CAP2: variants seen among roughly 807,000 people sequenced by gnomAD.
CAP2 encodes the protein cyclase associated actin cytoskeleton regulatory protein 2.
Under a neutral mutation model 57.7 loss-of-function variants are expected in CAP2, and 24 were observed. The ratio of observed to expected loss-of-function variants is 0.42; its 90% CI spans 0.30 to 0.58. The LOEUF (loss-of-function observed/expected upper bound fraction) is 0.58. Among genes scored for constraint, CAP2 ranks in the 20% least tolerant of loss-of-function variants. The probability of loss-of-function intolerance (pLI) is 0.22; values close to 1 mark genes in which losing one functional copy is unlikely to be tolerated. For synonymous variants in CAP2, 194 were observed against 207.2 expected (o/e 0.94, Z 0.55); for missense variants, 501 against 590.3 (o/e 0.85, Z 1.57).
intron 11 of CAP2, among the ~76,000 whole-genome samples, chr6:17,543,444 T>C (rs576932246): frequency 3.7e-4 from 56 of 151,942 alleles, no homozygotes; most frequent in Admixed American, 5.9e-4. Flanking sequence ...AGTGAAACCC[T>C]GTCTCTACTA....
intron 7 of CAP2, among the ~76,000 whole-genome samples, chr6:17,519,035 C>T (rs531681598): frequency 7.5e-4 from 114 of 152,278 alleles, no homozygotes; most frequent in African/African-American, 2.6e-3. Context: ...GACTTAACAT[C>T]TCAAGTACTT....
chr6:17,524,669 A>G (rs1039655280), intron 7 of CAP2, among the ~76,000 whole-genome samples: 1 of 152,178 alleles, frequency 6.6e-6, no homozygotes, highest in Non-Finnish European at 1.5e-5. Flanking sequence ...GGTCATTGCC[A>G]TGGAAAGGGG....
intron 3 of CAP2, among the ~76,000 whole-genome samples, chr6:17,434,382 C>T (rs1314449444): frequency 6.6e-6 from 1 of 151,966 alleles, no homozygotes; most frequent in Non-Finnish European, 1.5e-5. Context: ...ACCCGCACCA[C>T]CAAGCCCGGC....
chr6:17,399,359 G>A (rs777416673), intron 1 of CAP2, among the ~76,000 whole-genome samples: 8 of 152,140 alleles, frequency 5.3e-5, no homozygotes, highest in South Asian at 2.1e-4. Context: ...CACCACGCCC[G>A]GCCTACATGA....
In CAP2 at chr6:17,446,353, C is replaced by T. The variant is rs187946927; in HGVS notation, c.223-16643C>T. 3.4e-3 allele frequency among the ~76,000 whole-genome samples: 512 copies of T among 152,266 alleles called. 1 individual carries two copies. Among genetic ancestry groups the T allele is most frequent in the Middle Eastern group, 0.017 (5 of 294 alleles). ...TTTTCAGCTGACTTTGGGTCTGATT[C>T]CTTTCTACTTTAGATACCAAACAAG... On this transcript the variant is annotated intron_variant, in intron 3 of 12. Transcript: ENST00000229922.
chr6:17,524,848 AT>A (rs1398653995), intron 7 of CAP2, among the ~76,000 whole-genome samples: 1 of 151,314 alleles, frequency 6.6e-6, no homozygotes, highest in Non-Finnish European at 1.5e-5. Context: ...TCATACCTTA[AT>A]AAGAATCTAT....
chr6:17,551,989 G>A (rs930826233), intron 12 of CAP2, among the ~76,000 whole-genome samples: 3 of 152,168 alleles, frequency 2.0e-5, no homozygotes, highest in African/African-American at 7.2e-5. Flanking sequence ...ACAGTAAGTA[G>A]GGCTATTTGT....
chr6:17,425,858 G>A (rs1759574796), intron 2 of CAP2, among the ~76,000 whole-genome samples: 2 of 152,170 alleles, frequency 1.3e-5, no homozygotes, highest in African/African-American at 4.8e-5. Context: ...ACCTTGGGAG[G>A]CCAAGGTGGG....
intron 3 of CAP2, among the ~76,000 whole-genome samples, chr6:17,432,303 T>C (rs1759757357): frequency 6.6e-6 from 1 of 152,184 alleles, no homozygotes; most frequent in South Asian, 2.1e-4. Flanking sequence ...AATCTGTGTC[T>C]ATCCAGGATC....
intron 4 of CAP2, among the ~76,000 whole-genome samples, chr6:17,489,491 C>T (rs1761498345): frequency 6.6e-6 from 1 of 151,972 alleles, no homozygotes; most frequent in South Asian, 2.1e-4. Flanking sequence ...AACTACCATT[C>T]AGTACAGTTT....
chr6:17,504,017 G>T (rs1031881649), intron 4 of CAP2, among the ~76,000 whole-genome samples: 3 of 152,206 alleles, frequency 2.0e-5, no homozygotes, highest in Non-Finnish European at 4.4e-5. Context: ...AGAGCACTTT[G>T]CTTTCTTTCC....
At chr6:17,478,607 T>A (rs1295553248) in intron 4 of CAP2, among the ~76,000 whole-genome samples, 1 of 152,110 alleles carries the variant, frequency 6.6e-6, no homozygotes, top group Non-Finnish European at 1.5e-5. Context: ...ACAAGCCAAA[T>A]GAGTTTTCTC....
intron 7 of CAP2, among the ~76,000 whole-genome samples, chr6:17,535,348 C>G (rs561773770): frequency 1.1e-3 from 160 of 150,652 alleles, no homozygotes; most frequent in African/African-American, 3.4e-3. Context: ...AATCTCGGCT[C>G]ACTGCAACCT....
intron 12 of CAP2, among the ~76,000 whole-genome samples, chr6:17,552,353 A>G (rs748521196): frequency 3.3e-5 from 5 of 152,202 alleles, no homozygotes; most frequent in Non-Finnish European, 7.3e-5. Flanking sequence ...AAGTGAGGAA[A>G]TAAATACAGA....
chr6:17,411,445 C>A (rs938649946), intron 1 of CAP2, among the ~76,000 whole-genome samples: 1 of 152,174 alleles, frequency 6.6e-6, no homozygotes, highest in Non-Finnish European at 1.5e-5. Flanking sequence ...ATATTCTCAC[C>A]AGCACTTTTT....
At chr6:17,461,090 C>T (rs1164398595) in intron 3 of CAP2, among the ~76,000 whole-genome samples, 2 of 151,892 alleles carry the variant, frequency 1.3e-5, no homozygotes, top group African/African-American at 4.8e-5. Flanking sequence ...TGGAGGCTTC[C>T]GTGAACCAAG....
intron 1 of CAP2, among the ~76,000 whole-genome samples, chr6:17,395,685 T>C (rs1340885055): frequency 1.3e-5 from 2 of 152,246 alleles, no homozygotes; most frequent in East Asian, 3.8e-4. Flanking sequence ...GTTTTGAATA[T>C]TTCCTAACAT....
At chr6:17,553,508 C>T (rs1278499606) in intron 12 of CAP2, among the ~76,000 whole-genome samples, 2 of 151,994 alleles carry the variant, frequency 1.3e-5, no homozygotes, top group African/African-American at 4.8e-5. Context: ...TGGCACACGC[C>T]TGTAGTCCCA....
intron 4 of CAP2, among the ~76,000 whole-genome samples, chr6:17,479,511 GAAAGAAGGA>G (rs1761234286): frequency 6.6e-6 from 1 of 151,048 alleles, no homozygotes; most frequent in Non-Finnish European, 1.5e-5. Context: ...AAGTAAAAAT[GAAAGAAGGA>G]AAAGAGGCAA....
Sources: gnomAD v4.1 joint callset for allele counts (sites outside exome capture counted in the v4.1 genomes callset) on GRCh38, gnomAD v4.1.1 for gene constraint, MANE v1.5 for transcripts, NCBI Gene and HGNC (gene_info 2026-07-23, HGNC 2026-07-21) for gene names.